CNTN4: variants seen among roughly 807,000 people sequenced by gnomAD.
CNTN4 encodes contactin 4, also known as contactin-4.
A neutral mutation model predicts 122.5 loss-of-function variants in CNTN4; 77 were observed. The observed-to-expected ratio is 0.63, with a 90% CI of 0.52 to 0.76. CNTN4 has a LOEUF of 0.76. Among genes scored for constraint, CNTN4 ranks in the 30% least tolerant of loss-of-function variants. The pLI is 0.00. For synonymous variants in CNTN4, 512 were observed against 447.0 expected (o/e 1.15, Z -1.83); for missense variants, 1,256 against 1,259.1 (o/e 1.00, Z 0.04).
At chr3:2,757,354 G>A (rs115147885) in intron 6 of CNTN4, among the ~76,000 whole-genome samples, 2,881 of 152,224 alleles carry the variant, frequency 0.019, 34 homozygotes, top group South Asian at 0.046. Flanking sequence ...GAAGTGATGC[G>A]GAGTAGTTTG....
rs1057410316 is a variant in CNTN4 at position 2,596,379 on chromosome 3, C to T, written c.55+24821C>T. 2.6e-5 allele frequency among the ~76,000 whole-genome samples: 4 copies of T among 152,024 alleles called. 1 individual carries two copies. In the South Asian group the frequency reaches 6.2e-4, roughly 24 times the overall value. On this transcript the variant is annotated intron_variant, in intron 4 of 24. Coordinates refer to ENST00000418658, the MANE Select transcript of CNTN4 (RefSeq NM_175607.3). Reference sequence around the variant, plus strand: ...TTAAACATACTAGTAAAATGGACATCGGTTGTCCTCCAAATTCTTTGTGTT... The same window carrying T: ...TTAAACATACTAGTAAAATGGACATTGGTTGTCCTCCAAATTCTTTGTGTT...
intron 2 of CNTN4, among the ~76,000 whole-genome samples, chr3:2,219,107 C>A (rs2149480922): frequency 6.6e-6 from 1 of 152,274 alleles, no homozygotes; most frequent in Admixed American, 6.5e-5. Context: ...TCCATAAATG[C>A]TTAGATTCAT....
At chr3:2,679,519 C>T (rs903814514) in intron 4 of CNTN4, among the ~76,000 whole-genome samples, 1 of 152,076 alleles carries the variant, frequency 6.6e-6, no homozygotes, top group South Asian at 2.1e-4. Flanking sequence ...GGATGACATT[C>T]GATCCTAAAA....
intron 2 of CNTN4, among the ~76,000 whole-genome samples, chr3:2,105,585 A>C (rs1488410476): frequency 1.3e-5 from 2 of 152,124 alleles, no homozygotes; most frequent in East Asian, 3.9e-4. Context: ...ACTCACAATC[A>C]TGAGACCAGC....
At position 2,523,877 on chromosome 3, in the gene CNTN4, T is replaced by C. The variant is rs180840657; in HGVS notation, c.-88-47539T>C. Among the ~76,000 whole-genome samples the C allele has an allele frequency of 1.4e-4, 21 of 152,178 alleles. No individual in the cohort carries two copies. The East Asian group carries it at 3.7e-3, about 27-fold the overall frequency. On this transcript the variant is annotated intron_variant, in intron 3 of 24. Coordinates refer to ENST00000418658, the MANE Select transcript of CNTN4 (RefSeq NM_175607.3). ...TAAATATACACAAAAAAACTACCCA[T>C]CATTTGAAATTTCTATTGTAAACCC... is the stretch of plus-strand genomic sequence containing the variant.
chr3:2,925,739 A>G lies in CNTN4; in HGVS notation c.1318A>G (p.Thr440Ala). Residue 440 changes from threonine to alanine, a missense_variant, in exon 13 of 25, where the codon ACC (threonine) becomes GCC (alanine). Transcript: ENST00000418658. ...AAAAGCGTCTCCAAAACCTGTTTAC[A>G]CCTGGAAGAAAGGAAGGGATATATT... ...KPKASPKPVYTWKKGRDILKE... is the reference protein window; with the variant it reads ...KPKASPKPVYAWKKGRDILKE... 6.2e-7 allele frequency: 1 copy of G among 1,613,946 alleles called. No individual in the cohort carries two copies. The highest frequency in any genetic ancestry group is 8.5e-7 in the Non-Finnish European group (1 of 1,179,812).
At chr3:2,274,450 C>A (rs1053755313) in intron 2 of CNTN4, among the ~76,000 whole-genome samples, 4 of 152,072 alleles carry the variant, frequency 2.6e-5, no homozygotes, top group Non-Finnish European at 4.4e-5. Context: ...TTTCTCAAAT[C>A]TGTAATTGTT....
intron 6 of CNTN4, among the ~76,000 whole-genome samples, chr3:2,784,950 A>C (rs1417120483): frequency 6.6e-6 from 1 of 152,142 alleles, no homozygotes; most frequent in Non-Finnish European, 1.5e-5. Context: ...GAGTACTTGG[A>C]TAATTATACT....
chr3:3,016,088 G>C (rs891464689), intron 14 of CNTN4, among the ~76,000 whole-genome samples: 1 of 152,118 alleles, frequency 6.6e-6, no homozygotes, highest in African/African-American at 2.4e-5. Flanking sequence ...ATGTTTCTCC[G>C]TGGGTAAAAG....
At chr3:2,181,811 C>T (rs1422685352) in intron 2 of CNTN4, among the ~76,000 whole-genome samples, 3 of 152,130 alleles carry the variant, frequency 2.0e-5, no homozygotes, top group African/African-American at 7.2e-5. Context: ...AAATAAATTC[C>T]CGGTCAGAGA....
intron 7 of CNTN4, among the ~76,000 whole-genome samples, chr3:2,853,192 AAG>A (rs1323842210): frequency 2.6e-4 from 22 of 85,086 alleles, no homozygotes; most frequent in Non-Finnish European, 4.0e-4. Context: ...GAAAAAAAAA[AAG>A]AACAGTGTCC....
chr3:3,019,224 G>GT (rs1338487175), intron 14 of CNTN4, among the ~76,000 whole-genome samples: 3 of 152,116 alleles, frequency 2.0e-5, no homozygotes, highest in Admixed American at 6.5e-5. Flanking sequence ...AGGCTGGTGG[G>GT]TACAAGTTTG....
intron 2 of CNTN4, among the ~76,000 whole-genome samples, chr3:2,327,336 A>G (rs1190020853): frequency 6.6e-6 from 1 of 152,234 alleles, no homozygotes. Context: ...AGCTCAATTC[A>G]GTAAAGTGGC....
intron 3 of CNTN4, among the ~76,000 whole-genome samples, chr3:2,353,881 A>G (rs1210574450): frequency 9.2e-5 from 14 of 152,196 alleles, no homozygotes; most frequent in Admixed American, 8.5e-4. Context: ...CCTGGGCGAC[A>G]GAGCGAGACT....
intron 4 of CNTN4, among the ~76,000 whole-genome samples, chr3:2,674,791 A>G (rs886688553): frequency 6.6e-6 from 1 of 152,126 alleles, no homozygotes; most frequent in African/African-American, 2.4e-5. Flanking sequence ...AAAAAAAAAA[A>G]AAACCATTAA....
chr3:2,923,758 T>G (rs1427390499), intron 12 of CNTN4, among the ~76,000 whole-genome samples: 1 of 152,226 alleles, frequency 6.6e-6, no homozygotes, highest in Admixed American at 6.5e-5. Context: ...TATTATGAAT[T>G]TAACTTATCT....
intron 14 of CNTN4, among the ~76,000 whole-genome samples, chr3:2,996,928 T>C (rs1051815755): frequency 3.9e-5 from 6 of 152,240 alleles, no homozygotes; most frequent in Non-Finnish European, 7.3e-5. Flanking sequence ...ATTACAGTTA[T>C]ATATTTTTGA....
chr3:2,169,212 A>C (rs1050935455), intron 2 of CNTN4, among the ~76,000 whole-genome samples: 18 of 152,170 alleles, frequency 1.2e-4, no homozygotes, highest in Non-Finnish European at 2.4e-4. Context: ...AGTTAAAAGA[A>C]TGATATACAC....
intron 3 of CNTN4, among the ~76,000 whole-genome samples, chr3:2,467,018 A>G (rs1382669960): frequency 8.3e-6 from 1 of 121,146 alleles, no homozygotes. Flanking sequence ...GCTGTCACTG[A>G]TCTAATTTTA....
Sources: allele counts gnomAD v4.1 joint callset (sites outside exome capture counted in the v4.1 genomes callset), GRCh38; gene constraint gnomAD v4.1.1; transcripts MANE v1.5; gene names NCBI Gene and HGNC (gene_info 2026-07-23, HGNC 2026-07-21).